EDEM1: variants seen among roughly 807,000 people sequenced by gnomAD.
The protein encoded by EDEM1 is ER degradation-enhancing alpha-mannosidase-like protein 1.
A neutral mutation model predicts 74.4 loss-of-function variants in EDEM1; 67 were observed. That is an observed-to-expected ratio of 0.90 (90% CI 0.74 to 1.10). The LOEUF (loss-of-function observed/expected upper bound fraction) is 1.10. EDEM1 is among the 50% of genes least tolerant of loss of function. The pLI, the probability that EDEM1 is intolerant of heterozygous loss-of-function variation, is 0.00. For synonymous variants in EDEM1, 382 were observed against 335.9 expected, an observed-to-expected ratio of 1.14 and a Z score of -1.50; for missense variants, 926 against 851.6, an observed-to-expected ratio of 1.09 and a Z score of -1.09.
At position 5,203,005 on chromosome 3, in the gene EDEM1, G is replaced by A; in HGVS notation, c.898G>A (p.Glu300Lys). 4 of 1,613,806 alleles carry A rather than the reference G, an allele frequency of 2.5e-6. No individual in the cohort carries two copies. The highest frequency in any genetic ancestry group is 3.4e-6 in the Non-Finnish European group (4 of 1,179,858). ...KTGVPPDTNN[E>K]TCTAGAGSLL... is the part of the protein sequence containing the mutation. ...AGGAGTTCCTCCTGACACCAATAAT[G>A]AGACATGCACAGCGGGAGCCGGTTC... Residue 300 changes from glutamate to lysine, a missense_variant, in exon 5 of 12, where the codon GAG becomes AAG. By Grantham distance (56) the Glu-to-Lys change is moderately conservative. Coordinates refer to ENST00000256497, the MANE Select transcript of EDEM1 (RefSeq NM_014674.3).
At chr3:5,192,083 C>T (rs1032300146) in intron 1 of EDEM1, among the ~76,000 whole-genome samples, 1 of 152,246 alleles carries the variant, frequency 6.6e-6, no homozygotes, top group Non-Finnish European at 1.5e-5. Context: ...AAGTCCTGCC[C>T]TCTTTCAGAG....
At chr3:5,188,432 G>A (rs1316123482) in intron 1 of EDEM1, 118 bp downstream of exon 1, 2 of 1,163,882 alleles carry the variant, frequency 1.7e-6, no homozygotes, top group Admixed American at 4.3e-5. Context: ...TTAGGGTCCC[G>A]GGCAGCGCTC....
intron 1 of EDEM1, among the ~76,000 whole-genome samples, chr3:5,194,910 T>C (rs139937464): frequency 1.4e-4 from 22 of 152,324 alleles, no homozygotes; most frequent in Middle Eastern, 3.4e-3. Flanking sequence ...GGAGATTGTC[T>C]ATGGTGATAA....
At chr3:5,202,529 G>A (rs1393404384) in intron 4 of EDEM1, among the ~76,000 whole-genome samples, 4 of 152,196 alleles carry the variant, frequency 2.6e-5, no homozygotes, top group Non-Finnish European at 5.9e-5. Flanking sequence ...GATGAAACTG[G>A]CTGTCATATT....
In EDEM1 at chr3:5,219,503, G is replaced by A. The variant is rs976177652; in HGVS notation, c.*3585G>A. 6 of 152,186 alleles carry A rather than the reference G, an allele frequency of 3.9e-5. No homozygotes were observed. Among genetic ancestry groups the A allele is most frequent in the Non-Finnish European group, 8.8e-5 (6 of 68,038 alleles). The allele number at this position is 152,186 out of a possible 1,614,324, so 9.4% of individuals were successfully genotyped here. On this transcript the variant is annotated 3_prime_UTR_variant, in exon 12 of 12. Coordinates refer to ENST00000256497, the MANE Select transcript of EDEM1 (RefSeq NM_014674.3). The stretch of plus-strand genomic sequence containing the variant: ...TGTCCCAGGTTTCACAGGGCTCAGG[G>A]TTATGCTCCCGCTTGAATCTGGACG...
intron 1 of EDEM1, among the ~76,000 whole-genome samples, chr3:5,189,201 A>C (rs2054870243): frequency 6.6e-6 from 1 of 151,964 alleles, no homozygotes. Flanking sequence ...TGTTAGTCCA[A>C]ATAGTTGACT....
chr3:5,210,244 G>A lies in EDEM1; in HGVS notation c.1579G>A (p.Val527Ile), dbSNP rs759858483. 2.3e-5 allele frequency: 37 copies of A among 1,613,830 alleles called. No individual in the cohort carries two copies. The East Asian group carries it at 8.2e-4, about 36-fold the overall frequency. The part of the protein sequence containing the change: ...ILQSLEKYTK[V>I]KCGYATLHHV... ...GCAGAGTCTGGAAAAGTACACAAAA[G>A]TCAAGTCAGTTTTCTAAGTTCCTAC... Residue 527 changes from valine to isoleucine, a missense_variant, in exon 9 of 12, where the codon GTC becomes ATC. By Grantham distance (29) the Val-to-Ile change is conservative (BLOSUM62 3). Transcript: ENST00000256497.
intron 2 of EDEM1, among the ~76,000 whole-genome samples, chr3:5,199,250 G>A (rs1394337230): frequency 6.6e-6 from 1 of 152,192 alleles, no homozygotes; most frequent in Non-Finnish European, 1.5e-5. Context: ...TTGTATACCT[G>A]CCAGAAGTTT....
chr3:5,195,016 T>C, intron 1 of EDEM1, 193 bp from the exon 2 acceptor site: 1 of 390,298 alleles, frequency 2.6e-6, no homozygotes, highest in Non-Finnish European at 4.6e-6. Context: ...GTTCTGTGAC[T>C]TGATTCTACT....
rs980149027 is a variant in EDEM1 at position 5,217,223 on chromosome 3, A to G, written c.*1305A>G. 11 of 152,668 alleles carry G rather than the reference A, an allele frequency of 7.2e-5. No individual in the cohort carries two copies. The highest frequency in any genetic ancestry group is 3.3e-4 in the Admixed American group (5 of 15,302). The allele number at this position is 152,668 out of a possible 1,614,324, so 9.5% of individuals were successfully genotyped here. A position where few individuals can be genotyped will look rare whatever the true frequency, so the allele number is the denominator to read the frequency against. On this transcript the variant is annotated 3_prime_UTR_variant, in exon 12 of 12. Transcript: ENST00000256497. ...GCTAAAATGCCTTTGTTTTTTTGTTATTATTTTCTTAGCCAGAACATCTCT... is the reference window on the plus strand; with the variant it reads ...GCTAAAATGCCTTTGTTTTTTTGTTGTTATTTTCTTAGCCAGAACATCTCT...
rs2054926356 is a variant in EDEM1 at position 5,193,562 on chromosome 3, C to T, written c.510-1647C>T. On this transcript the variant is annotated intron_variant, in intron 1 of 11. Transcript: ENST00000256497. ...CTAGCCCTAGTTCCTAGACTATAGC[C>T]CCCATATATATCTCGTTTCAAAAAA... is the stretch of plus-strand genomic sequence containing the variant. Among the ~76,000 whole-genome samples, 3 of 152,104 alleles carry T rather than the reference C, an allele frequency of 2.0e-5. No individual in the cohort carries two copies. The South Asian group carries it at 6.2e-4, about 32-fold the overall frequency.
At chr3:5,213,016 G>A (rs1449900668) in intron 10 of EDEM1, among the ~76,000 whole-genome samples, 1 of 152,212 alleles carries the variant, frequency 6.6e-6, no homozygotes, top group Admixed American at 6.5e-5. Flanking sequence ...ATCATCCAGT[G>A]AACTTTTATA....
intron 2 of EDEM1, among the ~76,000 whole-genome samples, chr3:5,196,735 A>T (rs560339590): frequency 1.3e-5 from 2 of 152,232 alleles, no homozygotes; most frequent in South Asian, 4.1e-4. Flanking sequence ...TGTTTCAGTC[A>T]TTTACCATCA....
chr3:5,216,062 T>G lies in EDEM1; in HGVS notation c.*144T>G, dbSNP rs2055231445. The G allele has an allele frequency of 1.6e-6, 1 of 630,244 alleles. No homozygotes were observed. Among genetic ancestry groups the G allele is most frequent in the Non-Finnish European group, 2.8e-6 (1 of 363,030 alleles). The allele number at this position is 630,244 out of a possible 1,614,324, so 39.0% of individuals were successfully genotyped here. ...TTTCTGTGCAACACCTCACCACGTC[T>G]GGTTAATCCTTGCACACTTCAGTGT... On this transcript the variant is annotated 3_prime_UTR_variant, in exon 12 of 12. Coordinates refer to ENST00000256497, the MANE Select transcript of EDEM1 (RefSeq NM_014674.3).
In EDEM1 at chr3:5,219,811, C is replaced by T. The variant is rs1192710456; in HGVS notation, c.*3893C>T. 6.6e-6 allele frequency: 1 copy of T among 152,524 alleles called. No individual in the cohort carries two copies. The highest frequency in any genetic ancestry group is 1.5e-5 in the Non-Finnish European group (1 of 68,026). 9.4% of individuals were successfully genotyped at this position (152,524 alleles called of 1,614,324 possible). ...CTGTAGATGATATTTTATGTTTAATCTGTAAATAAGAAATGTATTTAAATT... is the reference window on the plus strand; with the variant it reads ...CTGTAGATGATATTTTATGTTTAATTTGTAAATAAGAAATGTATTTAAATT... On this transcript the variant is annotated 3_prime_UTR_variant, in exon 12 of 12. Transcript: ENST00000256497.
rs775695167 is a variant in EDEM1, at chr3:5,188,356, T to A, written c.509+42T>A. 20 of 1,375,210 alleles carry A rather than the reference T, an allele frequency of 1.5e-5. No individual in the cohort carries two copies. The African/African-American group carries it at 2.9e-4, about 20-fold the overall frequency. 85.2% of individuals were successfully genotyped at this position (1,375,210 alleles called of 1,614,324 possible). A position where few individuals can be genotyped will look rare whatever the true frequency, so the allele number is the denominator to read the frequency against. On this transcript the variant is annotated intron_variant, in intron 1 of 11. Transcript: ENST00000256497. The stretch of plus-strand genomic sequence containing the variant: ...GCCCGGGGCCGCGCGCCCACGCGCT[T>A]CCTTCCGCCCTCCGCGCCGGGGTGC...
rs1032551068 is a variant in EDEM1, at chr3:5,187,989, C to T, written c.184C>T (p.Arg62Trp). 13 of 1,529,988 alleles carry T rather than the reference C, an allele frequency of 8.5e-6. No individual in the cohort carries two copies. Among genetic ancestry groups the T allele is most frequent in the Non-Finnish European group, 1.1e-5 (13 of 1,141,272 alleles). 94.8% of individuals were successfully genotyped at this position (1,529,988 alleles called of 1,614,324 possible). The change falls in exon 1 of 12, where the codon CGG becomes TGG. Residue 62 changes from arginine (R) to tryptophan (W), a missense_variant. Transcript: ENST00000256497. ...PASPTSGPVG[R>W]PGGVSGPSWL... ...GTCGCCCACCTCGGGGCCCGTGGGC[C>T]GGCCTGGGGGGGTATCCGGGCCGTC...
At position 5,219,188 on chromosome 3, in the gene EDEM1, G is replaced by C. The variant is rs1264844988; in HGVS notation, c.*3270G>C. The C allele has an allele frequency of 6.6e-6, 1 of 152,104 alleles. No homozygotes were observed. The highest frequency in any genetic ancestry group is 1.9e-4 in the East Asian group (1 of 5,192). 9.4% of individuals were successfully genotyped at this position (152,104 alleles called of 1,614,324 possible). ...CTGTAATTCCTCTTTGGATTGTGTA[G>C]ACTCAACATGAGACATTCCTTTCTG... On this transcript the variant is annotated 3_prime_UTR_variant, in exon 12 of 12. Coordinates refer to ENST00000256497, the MANE Select transcript of EDEM1 (RefSeq NM_014674.3).
At chr3:5,188,786 T>C (rs562289443) in intron 1 of EDEM1, among the ~76,000 whole-genome samples, 23 of 152,192 alleles carry the variant, frequency 1.5e-4, no homozygotes, top group Non-Finnish European at 2.4e-4. Context: ...ACGTCTTTTC[T>C]ATGTAAAAAG....
Sources: allele counts gnomAD v4.1 joint callset (sites outside exome capture counted in the v4.1 genomes callset), GRCh38; gene constraint gnomAD v4.1.1; transcripts MANE v1.5; gene names NCBI Gene and HGNC (gene_info 2026-07-23, HGNC 2026-07-21).